CUL5: variants seen among roughly 807,000 people sequenced by gnomAD.
The protein encoded by CUL5 is cullin 5.
A neutral mutation model predicts 108.8 loss-of-function variants in CUL5; 26 were observed. The ratio of observed to expected loss-of-function variants is 0.24; its 90% CI spans 0.18 to 0.33. CUL5 has a LOEUF of 0.33. Ranked by LOEUF, CUL5 falls within the 10% of genes least tolerant of loss-of-function variation. CUL5 has a pLI of 1.00. For missense variants in CUL5, 524 were observed against 909.2 expected (o/e 0.58, Z 5.45); for synonymous variants, 334 against 298.0 (o/e 1.12, Z -1.25).
chr11:108,032,936 A>G (rs1203284456), intron 1 of CUL5, among the ~76,000 whole-genome samples: 1 of 152,138 alleles, frequency 6.6e-6, no homozygotes, highest in Non-Finnish European at 1.5e-5. Context: ...ACAAAATTAG[A>G]TGATACAGTC....
chr11:108,054,494 C>G (rs1366773255), intron 5 of CUL5, among the ~76,000 whole-genome samples, 153 bp from the exon 6 acceptor site: 1 of 152,074 alleles, frequency 6.6e-6, no homozygotes, highest in Admixed American at 6.6e-5. Flanking sequence ...TTATAAGTTT[C>G]TTATGGAGAA....
At position 108,104,228 on chromosome 11, in the gene CUL5, T is replaced by C. The variant is rs765144695; in HGVS notation, c.2187T>C (p.Ile729=). 5 of 1,585,960 alleles carry C rather than the reference T, an allele frequency of 3.2e-6. No homozygotes were observed. In the African/African-American group the frequency reaches 6.9e-5, roughly 22 times the overall value. Residue 729 remains isoleucine (I), a synonymous_variant, in exon 19 of 19, where the codon ATT becomes ATC. Coordinates refer to ENST00000393094, the MANE Select transcript of CUL5 (RefSeq NM_003478.6). ...AAATAATGAAAATGAGAAAGAAAAT[T>C]AGTAATGCTCAGCTGCAGACTGAAT... ...IIQIMKMRKK[I]SNAQLQTELV...
At chr11:108,035,523 G>A (rs1413952275) in intron 2 of CUL5, among the ~76,000 whole-genome samples, 1 of 151,714 alleles carries the variant, frequency 6.6e-6, no homozygotes, top group African/African-American at 2.4e-5. Flanking sequence ...GATCGCTTGA[G>A]CCCAGGAGTT....
chr11:108,088,069 G>T (rs567461426), intron 11 of CUL5, among the ~76,000 whole-genome samples: 133 of 151,580 alleles, frequency 8.8e-4, no homozygotes, highest in Non-Finnish European at 1.5e-3. Context: ...ATGCATGATG[G>T]TATATATATC....
chr11:108,020,598 T>A (rs1223107592), intron 1 of CUL5, among the ~76,000 whole-genome samples: 1 of 151,876 alleles, frequency 6.6e-6, no homozygotes, highest in African/African-American at 2.4e-5. Flanking sequence ...CCCAGGCTGG[T>A]CTCAAACTCC....
intron 11 of CUL5, 35 bp from the exon 12 acceptor site, chr11:108,088,492 A>AT (rs776684975): frequency 1.9e-6 from 3 of 1,566,256 alleles, no homozygotes; most frequent in Non-Finnish European, 2.6e-6. Context: ...AACATTAATC[A>AT]TTTTTCCATC....
At chr11:108,018,658 G>GAGTGA (rs1016019169) in intron 1 of CUL5, among the ~76,000 whole-genome samples, 4 of 152,074 alleles carry the variant, frequency 2.6e-5, no homozygotes, top group Non-Finnish European at 1.5e-5. Flanking sequence ...CTGGGTGACG[G>GAGTGA]AGTGAGACTG....
chr11:108,064,086 G>T (rs1023560810), intron 7 of CUL5, among the ~76,000 whole-genome samples: 3 of 152,070 alleles, frequency 2.0e-5, no homozygotes, highest in African/African-American at 7.2e-5. Context: ...GTGACAGTGG[G>T]CATCCTTGTC....
intron 1 of CUL5, among the ~76,000 whole-genome samples, chr11:108,015,283 T>C (rs2061654003): frequency 6.6e-6 from 1 of 152,232 alleles, no homozygotes; most frequent in African/African-American, 2.4e-5. Context: ...GCAAGTCATG[T>C]ACATATTTAG....
intron 1 of CUL5, among the ~76,000 whole-genome samples, chr11:108,010,009 C>T (rs1862024076): frequency 6.6e-6 from 1 of 152,204 alleles, no homozygotes; most frequent in Non-Finnish European, 1.5e-5. Flanking sequence ...GAAGCGATAC[C>T]ATCGTTTTAG....
chr11:108,085,398 A>G (rs1488186757), intron 11 of CUL5, among the ~76,000 whole-genome samples: 1 of 152,108 alleles, frequency 6.6e-6, no homozygotes, highest in Admixed American at 6.6e-5. Context: ...GACAAAAAGT[A>G]GAATAAAAGT....
At chr11:108,037,061 G>T in intron 2 of CUL5, among the ~76,000 whole-genome samples, 1 of 151,158 alleles carries the variant, frequency 6.6e-6, no homozygotes, top group Non-Finnish European at 1.5e-5. Context: ...AACATTTTTG[G>T]TCCACCCAAA....
chr11:108,101,026 TA>T (rs1197994566), intron 18 of CUL5, among the ~76,000 whole-genome samples: 2 of 151,340 alleles, frequency 1.3e-5, no homozygotes, highest in Admixed American at 6.6e-5. Context: ...AGACTCCATC[TA>T]AAAAAAAAGA....
chr11:108,078,161 A>G lies in CUL5; in HGVS notation c.1114-15A>G. 1.4e-6 allele frequency: 2 copies of G among 1,436,812 alleles called. No homozygotes were observed. Among genetic ancestry groups the G allele is most frequent in the Non-Finnish European group, 1.9e-6 (2 of 1,046,284 alleles). The allele number at this position is 1,436,812 out of a possible 1,614,324, so 89.0% of individuals were successfully genotyped here. A position where few individuals can be genotyped will look rare whatever the true frequency, so the allele number is the denominator to read the frequency against. On this transcript the variant is annotated splice_polypyrimidine_tract_variant and intron_variant, in intron 10 of 18. Transcript: ENST00000393094. ...TCAATATTAAAAATATTTTATTCCA[A>G]ATTATTTTTTGCAGGCGTATAAAGC...
chr11:108,050,140 T>C, intron 4 of CUL5, 74 bp downstream of exon 4: 3 of 1,351,160 alleles, frequency 2.2e-6, no homozygotes, highest in Non-Finnish European at 3.0e-6. Flanking sequence ...TGAAAGTAAT[T>C]TGAACTTTTA....
intron 1 of CUL5, among the ~76,000 whole-genome samples, chr11:108,011,894 G>A (rs557537552): frequency 7.9e-5 from 12 of 152,268 alleles, no homozygotes; most frequent in East Asian, 1.9e-4. Context: ...TCAAAGTGCT[G>A]GGATTATAGG....
chr11:108,010,366 C>G (rs1243728279), intron 1 of CUL5, among the ~76,000 whole-genome samples: 3 of 152,210 alleles, frequency 2.0e-5, no homozygotes, highest in African/African-American at 7.2e-5. Flanking sequence ...AGAAAATATA[C>G]AGGAACCTAA....
chr11:108,079,677 AC>A (rs1864025154), intron 11 of CUL5, among the ~76,000 whole-genome samples: 1 of 152,134 alleles, frequency 6.6e-6, no homozygotes. Flanking sequence ...AAATGCCTAT[AC>A]CCCTATTAAC....
chr11:108,085,050 T>C (rs1467332651), intron 11 of CUL5: 1 of 152,252 alleles, frequency 6.6e-6, no homozygotes, highest in African/African-American at 2.4e-5. Flanking sequence ...AGTTGCTGTA[T>C]GGCCCAACTG....
Sources: allele counts gnomAD v4.1 joint callset (sites outside exome capture counted in the v4.1 genomes callset), GRCh38; gene constraint gnomAD v4.1.1; transcripts MANE v1.5; gene names NCBI Gene and HGNC (gene_info 2026-07-23, HGNC 2026-07-21).